The following AKR1C1 variants were observed in gnomAD, a reference collection of about 807,000 sequenced individuals.
AKR1C1 encodes the protein 20 alpha-hydroxysteroid dehydrogenase.
AKR1C1 carries 32 observed loss-of-function variants against 40.6 expected under a neutral mutation model. The ratio of observed to expected loss-of-function variants is 0.79; its 90% CI spans 0.60 to 1.06. The LOEUF (loss-of-function observed/expected upper bound fraction) is 1.06, where lower values mean the gene tolerates loss of function less well. AKR1C1 is among the 50% of genes least tolerant of loss of function. The pLI is 0.00. For missense variants in AKR1C1, 320 were observed against 363.5 expected (o/e 0.88, Z 0.97); for synonymous variants, 105 against 134.2 (o/e 0.78, Z 1.50).
intron 7 of AKR1C1, among the ~76,000 whole-genome samples, chr10:4,973,326 G>A (rs3927913): frequency 0.29 from 41,736 of 146,304 alleles, 3,707 homozygotes; most frequent in African/African-American, 0.4. Flanking sequence ...AATTAGCCTG[G>A]GCTCAGCCTA....
chr10:4,970,301 T>C (rs1333909186), intron 5 of AKR1C1, among the ~76,000 whole-genome samples: 11 of 152,234 alleles, frequency 7.2e-5, no homozygotes, highest in Admixed American at 7.2e-4. Context: ...AATCAAAATA[T>C]CTTTTGTAGC....
rs780692004 is a variant in AKR1C1 at position 4,965,877 on chromosome 10, A to G, written c.85-37A>G. On this transcript the variant is annotated intron_variant, in intron 1 of 8. Coordinates refer to ENST00000380872, the MANE Select transcript of AKR1C1 (RefSeq NM_001353.6). ...TGTGCCTGAACTAACTCTCAGGCACATTAGTCAGAAAATACTACCTATGGT... is the reference window on the plus strand; with the variant it reads ...TGTGCCTGAACTAACTCTCAGGCACGTTAGTCAGAAAATACTACCTATGGT... The G allele has an allele frequency of 1.3e-5, 21 of 1,591,372 alleles. No homozygotes were observed. The South Asian group carries it at 2.2e-4, about 17-fold the overall frequency.
At chr10:4,976,435 C>T (rs1355642905) in intron 8 of AKR1C1, among the ~76,000 whole-genome samples, 12 of 152,066 alleles carry the variant, frequency 7.9e-5, no homozygotes, top group African/African-American at 2.4e-4. Flanking sequence ...CATTTTTAAT[C>T]ATTTCAAACC....
At position 4,967,124 on chromosome 10, in the gene AKR1C1, T is replaced by C. The variant is rs1484865069; in HGVS notation, c.369+81T>C. 5.0e-6 allele frequency: 7 copies of C among 1,410,608 alleles called. No individual in the cohort carries two copies. The Admixed American group carries it at 5.2e-5, about 11-fold the overall frequency. The allele number at this position is 1,410,608 out of a possible 1,614,324, so 87.4% of individuals were successfully genotyped here. ...TTTTTATGGATATTTGAACTAAGCA[T>C]TTTCTTAGGAGGACATAGGGATTAT... On this transcript the variant is annotated intron_variant, in intron 3 of 8. Transcript: ENST00000380872.
chr10:4,965,920 A>G lies in AKR1C1; in HGVS notation c.91A>G (p.Lys31Glu). The G allele has an allele frequency of 6.2e-7, 1 of 1,613,444 alleles. No individual in the cohort carries two copies. The highest frequency in any genetic ancestry group is 8.5e-7 in the Non-Finnish European group (1 of 1,179,756). The part of the protein sequence containing the change: ...FGTYAPAEVP[K>E]SKALEATKLA... Reference sequence around the variant, plus strand: ...CCTATGGTTACTCCCCCAGGTTCCTAAAAGTAAAGCTTTAGAGGCCACCAA... The same window carrying G: ...CCTATGGTTACTCCCCCAGGTTCCTGAAAGTAAAGCTTTAGAGGCCACCAA... Residue 31 changes from lysine (K) to glutamate (E), a missense_variant, in exon 2 of 9, where the codon AAA (lysine) becomes GAA (glutamate). This residue lies in a region of AKR1C1 where 214 missense variants were observed against 214.8 expected (regional missense o/e 1.00). Coordinates refer to ENST00000380872, the MANE Select transcript of AKR1C1 (RefSeq NM_001353.6).
chr10:4,967,923 A>G, intron 3 of AKR1C1: 1 of 187,702 alleles, frequency 5.3e-6, no homozygotes, highest in Non-Finnish European at 1.1e-5. Flanking sequence ...GTTCAGGGAG[A>G]TAAAGAACTC....
At chr10:4,965,767 A>G (rs1564314667) in intron 1 of AKR1C1, 147 bp from the exon 2 acceptor site, 1 of 910,356 alleles carries the variant, frequency 1.1e-6, no homozygotes, top group East Asian at 2.8e-5. Context: ...GGAAAGACCC[A>G]GGGAGACTGG....
In AKR1C1 at chr10:4,968,888, C is replaced by T. The variant is rs1220725793; in HGVS notation, c.514C>T (p.Gln172Ter). The change falls in exon 5 of 9, where the codon CAG becomes TAG. Residue 172 changes from glutamine to a stop codon, truncating the protein, a stop_gained. Coordinates refer to ENST00000380872, the MANE Select transcript of AKR1C1 (RefSeq NM_001353.6). LOFTEE classifies it high-confidence loss of function. The stretch of plus-strand genomic sequence containing the variant: ...CGGGGTGTCCAACTTCAACCGCAGG[C>T]AGCTGGAGATGATCCTCAACAAGCC... ...SIGVSNFNRR[Q>*]LEMILNKPGL... 1 of 1,614,208 alleles carries T rather than the reference C, an allele frequency of 6.2e-7. No individual in the cohort carries two copies.
chr10:4,965,887 A>C, intron 1 of AKR1C1, 27 bp from the exon 2 acceptor site: 1 of 1,598,098 alleles, frequency 6.3e-7, no homozygotes, highest in African/African-American at 1.4e-5. Flanking sequence ...ATTAGTCAGA[A>C]AATACTACCT....
intron 5 of AKR1C1, among the ~76,000 whole-genome samples, chr10:4,969,499 T>C (rs1836389969): frequency 7.6e-6 from 1 of 132,404 alleles, no homozygotes; most frequent in Non-Finnish European, 1.6e-5. Context: ...AAAGAGAAAA[T>C]AACCTGTTTA....
rs537422269 is a variant in AKR1C1, at chr10:4,976,532, G to A, written c.929+599G>A. ...GTCTGTCTTAGTGAAGCGAATAGGA[G>A]CACTTGGCCTTGGTGTTCTGCAATA... is the stretch of plus-strand genomic sequence containing the variant. On this transcript the variant is annotated intron_variant, in intron 8 of 8. Transcript: ENST00000380872. Among the ~76,000 whole-genome samples the A allele has an allele frequency of 1.7e-4, 26 of 152,328 alleles. No homozygotes were observed. The East Asian group carries it at 3.3e-3, about 19-fold the overall frequency.
chr10:4,966,829 T>C (rs1836340510), intron 2 of AKR1C1, 98 bp from the exon 3 acceptor site: 2 of 1,094,866 alleles, frequency 1.8e-6, no homozygotes, highest in South Asian at 3.1e-5. Flanking sequence ...TGGTCATTAG[T>C]TTTGAAGTAG....
At chr10:4,977,580 C>T (rs1836545229) in intron 8 of AKR1C1, 120 bp from the exon 9 acceptor site, 2 of 953,582 alleles carry the variant, frequency 2.1e-6, no homozygotes, top group Admixed American at 2.7e-5. Context: ...GATTCTAGAG[C>T]AGTCAGAAAA....
In AKR1C1 at chr10:4,979,565, G is replaced by C. The variant is rs539385913; in HGVS notation, c.*1823G>C. The stretch of plus-strand genomic sequence containing the variant: ...TTTTGTTAAAAGTTAGTAGTGAAGT[G>C]TGTAACGCTTAAGCAAACTTTCATA... On this transcript the variant is annotated 3_prime_UTR_variant, in exon 9 of 9. Coordinates refer to ENST00000380872, the MANE Select transcript of AKR1C1 (RefSeq NM_001353.6). 1 of 152,204 alleles carries C rather than the reference G, an allele frequency of 6.6e-6. No homozygotes were observed. Among genetic ancestry groups the C allele is most frequent in the African/African-American group, 2.4e-5 (1 of 41,456 alleles). 9.4% of individuals were successfully genotyped at this position (152,204 alleles called of 1,614,324 possible).
rs968266517 is a variant in AKR1C1 at position 4,969,066 on chromosome 10, A to C, written c.570+122A>C. ...AAAGAGAAGATTCTAGAGAGCAAAG[A>C]CTCTGTCTCGAAGGGCATAGAGGGA... On this transcript the variant is annotated intron_variant, in intron 5 of 8. Coordinates refer to ENST00000380872, the MANE Select transcript of AKR1C1 (RefSeq NM_001353.6). 51 of 1,557,168 alleles carry C rather than the reference A, an allele frequency of 3.3e-5. No individual in the cohort carries two copies. In the African/African-American group the frequency reaches 6.3e-4, roughly 19 times the overall value.
intron 4 of AKR1C1, 45 bp from the exon 5 acceptor site, chr10:4,968,777 C>A (rs771573179): frequency 1.9e-6 from 3 of 1,613,544 alleles, no homozygotes; most frequent in Non-Finnish European, 2.5e-6. Flanking sequence ...AGTTCTGTGT[C>A]ACATTTATCT....
At chr10:4,965,715 A>C (rs1836319594) in intron 1 of AKR1C1, 199 bp from the exon 2 acceptor site, 1 of 528,124 alleles carries the variant, frequency 1.9e-6, no homozygotes, top group Non-Finnish European at 3.2e-6. Flanking sequence ...TTTTTCTGGG[A>C]CTGCAGAAGT....
At chr10:4,971,661 A>G (rs1836430452) in intron 5 of AKR1C1, among the ~76,000 whole-genome samples, 1 of 149,970 alleles carries the variant, frequency 6.7e-6, no homozygotes, top group African/African-American at 2.4e-5. Context: ...AGGAAAAGTA[A>G]TGAAAGACTG....
intron 6 of AKR1C1, 100 bp from the exon 7 acceptor site, chr10:4,972,484 A>T (rs1165788594): frequency 1.9e-6 from 3 of 1,585,676 alleles, no homozygotes; most frequent in Non-Finnish European, 2.6e-6. Context: ...CTCGCTTGAG[A>T]AGCTCCGGTG....
Sources: allele counts gnomAD v4.1 joint callset (sites outside exome capture counted in the v4.1 genomes callset), GRCh38; gene constraint gnomAD v4.1.1; regional missense constraint gnomAD v4.1.1; transcripts MANE v1.5; gene names NCBI Gene and HGNC (gene_info 2026-07-23, HGNC 2026-07-21).